Variants in ABCB4 observed in about 807,000 individuals in gnomAD.
ABCB4 encodes ATP binding cassette subfamily B member 4.
ABCB4 carries 76 observed loss-of-function variants against 145.7 expected under a neutral mutation model. The observed-to-expected ratio is 0.52, with a 90% CI of 0.43 to 0.63. The LOEUF (loss-of-function observed/expected upper bound fraction) is 0.63, where lower values mean the gene tolerates loss of function less well. Ranked by LOEUF, ABCB4 falls within the 30% of genes least tolerant of loss-of-function variation. The probability of loss-of-function intolerance (pLI) is 0.00; values close to 1 mark genes in which losing one functional copy is unlikely to be tolerated. For missense variants in ABCB4, 1,234 were observed against 1,553.1 expected (o/e 0.79, Z 3.45); for synonymous variants, 517 against 566.8 (o/e 0.91, Z 1.25).
At chr7:87,430,143 T>G (rs45453594) in intron 15 of ABCB4, among the ~76,000 whole-genome samples, 2,196 of 152,232 alleles carry the variant, frequency 0.014, 51 homozygotes, top group African/African-American at 0.05. Flanking sequence ...CCTTTTTTGA[T>G]CTACTTGTGC....
the ABCB4 span, chr7:87,375,897 C>T: frequency 6.2e-6 from 10 of 1,612,978 alleles, no homozygotes; most frequent in African/African-American, 4.0e-5. Context: ...GAGTAGTTTA[C>T]TGGTATATTC....
intron 8 of ABCB4, among the ~76,000 whole-genome samples, chr7:87,448,313 C>T (rs1052936942): frequency 1.3e-4 from 20 of 152,128 alleles, no homozygotes; most frequent in African/African-American, 3.9e-4. Context: ...CACAGCAACA[C>T]CAGTTTTAGT....
At chr7:87,435,124 A>G (rs1013359588) in intron 14 of ABCB4, among the ~76,000 whole-genome samples, 1 of 152,244 alleles carries the variant, frequency 6.6e-6, no homozygotes, top group Non-Finnish European at 1.5e-5. Context: ...TCAACTTTTC[A>G]TCATTAAAAA....
the ABCB4 span, among the ~76,000 whole-genome samples, chr7:87,381,417 A>G: frequency 6.6e-6 from 1 of 152,168 alleles, no homozygotes. Context: ...GGACATTCAT[A>G]TGTATAAAAA....
intron 3 of ABCB4, among the ~76,000 whole-genome samples, chr7:87,469,630 A>G (rs1813215449): frequency 6.6e-6 from 1 of 152,198 alleles, no homozygotes; most frequent in South Asian, 2.1e-4. Context: ...TGCTTCAAAG[A>G]GAATAAAATA....
At chr7:87,465,957 A>G (rs1812863262) in intron 3 of ABCB4, among the ~76,000 whole-genome samples, 1 of 152,190 alleles carries the variant, frequency 6.6e-6, no homozygotes, top group African/African-American at 2.4e-5. Flanking sequence ...GAAAAAACAG[A>G]ACAGAAAAAC....
chr7:87,378,549 C>G, the ABCB4 span, among the ~76,000 whole-genome samples: 1 of 152,088 alleles, frequency 6.6e-6, no homozygotes, highest in Non-Finnish European at 1.5e-5. Context: ...TTTTGTTTGG[C>G]CTCATATTTA....
chr7:87,398,263 C>G (rs770975732), downstream of ABCB4: 7 of 621,432 alleles, frequency 1.1e-5, no homozygotes, highest in Non-Finnish European at 2.1e-5. Flanking sequence ...CGCAGTAAGA[C>G]CTAGCTTCAG....
chr7:87,368,067 A>G, the ABCB4 span, among the ~76,000 whole-genome samples: 94 of 152,164 alleles, frequency 6.2e-4, no homozygotes, highest in Non-Finnish European at 1.1e-3. Flanking sequence ...AACCTTATCT[A>G]CCACTCTATC....
At chr7:87,440,092 GA>G (rs1810868268) in intron 13 of ABCB4, 106 bp downstream of exon 13, 2 of 1,323,184 alleles carry the variant, frequency 1.5e-6, no homozygotes, top group East Asian at 4.9e-5. Context: ...AGCAAAGTTG[GA>G]CAATCTTGCA....
chr7:87,453,157 C>T, intron 5 of ABCB4, 22 bp from the exon 6 acceptor site: 1 of 1,598,854 alleles, frequency 6.3e-7, no homozygotes, highest in Non-Finnish European at 8.6e-7. Context: ...GAGAAAGGCT[C>T]TATTAAATAC....
chr7:87,433,288 C>T (rs1020468472), intron 14 of ABCB4, among the ~76,000 whole-genome samples: 1 of 152,160 alleles, frequency 6.6e-6, no homozygotes, highest in African/African-American at 2.4e-5. Flanking sequence ...GGCTAGAACA[C>T]AGCTCTCTTG....
chr7:87,370,396 T>C, the ABCB4 span, among the ~76,000 whole-genome samples: 1 of 152,160 alleles, frequency 6.6e-6, no homozygotes, highest in Non-Finnish European at 1.5e-5. Flanking sequence ...TTGGCCAAGC[T>C]GGTCTTGAAC....
At chr7:87,438,714 A>C (rs1810773475) in intron 14 of ABCB4, among the ~76,000 whole-genome samples, 1 of 152,150 alleles carries the variant, frequency 6.6e-6, no homozygotes, top group Non-Finnish European at 1.5e-5. Context: ...ACACGACTGC[A>C]CTCCACGCTG....
intron 4 of ABCB4, among the ~76,000 whole-genome samples, chr7:87,460,735 C>T (rs952117729): frequency 6.6e-6 from 1 of 151,916 alleles, no homozygotes; most frequent in African/African-American, 2.4e-5. Context: ...ACTACAACCT[C>T]CACCTCCTGG....
At chr7:87,428,436 C>A (rs1809982716) in intron 15 of ABCB4, among the ~76,000 whole-genome samples, 1 of 152,184 alleles carries the variant, frequency 6.6e-6, no homozygotes, top group Non-Finnish European at 1.5e-5. Flanking sequence ...ACAAAAAATG[C>A]TGAAAGGAAA....
chr7:87,465,071 G>A (rs1021367737), intron 3 of ABCB4, among the ~76,000 whole-genome samples: 24 of 152,216 alleles, frequency 1.6e-4, no homozygotes, highest in Non-Finnish European at 3.1e-4. Flanking sequence ...CCAAAGCAGG[G>A]GGAAGCATCC....
intron 9 of ABCB4, 125 bp from the exon 10 acceptor site, chr7:87,445,100 T>G (rs758795109): frequency 3.1e-5 from 22 of 713,396 alleles, no homozygotes; most frequent in Non-Finnish European, 4.7e-5. Flanking sequence ...CCTTTTTTTT[T>G]TGTGGAAGAG....
intron 18 of ABCB4, among the ~76,000 whole-genome samples, chr7:87,420,926 T>C (rs142076051): frequency 1.8e-3 from 267 of 152,288 alleles, no homozygotes; most frequent in Non-Finnish European, 2.8e-3. Context: ...AATACAGAAG[T>C]AACAAAGTCC....
Sources: gnomAD v4.1 joint callset for allele counts (sites outside exome capture counted in the v4.1 genomes callset) on GRCh38, gnomAD v4.1.1 for gene constraint, MANE v1.5 for transcripts, NCBI Gene and HGNC (gene_info 2026-07-23, HGNC 2026-07-21) for gene names.